Variants in ATG12 observed in about 807,000 individuals in gnomAD.
ATG12 encodes autophagy related 12, also known as ubiquitin-like protein ATG12.
ATG12 carries 19 observed loss-of-function variants against 17.6 expected under a neutral mutation model. That is an observed-to-expected ratio of 1.08 (90% CI 0.75 to 1.58). ATG12 has a LOEUF of 1.58. Ranked by LOEUF, ATG12 falls within the 40% of genes most tolerant of loss-of-function variation. ATG12 has a pLI of 0.00. For synonymous variants in ATG12, 75 were observed against 62.4 expected (o/e 1.20, Z -0.95); for missense variants, 214 against 162.0 (o/e 1.32, Z -1.74).
chr5:115,831,939 A>G, intron 3 of ATG12, 76 bp from the exon 4 acceptor site: 1 of 1,365,418 alleles, frequency 7.3e-7, no homozygotes, highest in Middle Eastern at 2.3e-4. Flanking sequence ...TAAATGCCAC[A>G]TGTATCATAA....
Position 115,831,502 on chromosome 5 carries a change from G to A in ATG12, c.*302C>T. 2.4e-6 allele frequency: 1 copy of A among 413,372 alleles called. No homozygotes were observed. Among genetic ancestry groups the A allele is most frequent in the Non-Finnish European group, 4.3e-6 (1 of 232,234 alleles). The allele number at this position is 413,372 out of a possible 1,614,324, so 25.6% of individuals were successfully genotyped here. The stretch of plus-strand genomic sequence containing the variant: ...CATTTTGAGAACTGACAATGAAGAT[G>A]TTTATACAGTCTTAGTCTCCTTTTC... On this transcript the variant is annotated 3_prime_UTR_variant, in exon 4 of 4. Coordinates refer to ENST00000509910, the MANE Select transcript of ATG12 (RefSeq NM_004707.4).
intron 2 of ATG12, chr5:115,834,873 A>C (rs1580567326): frequency 1.3e-5 from 2 of 152,202 alleles, no homozygotes; most frequent in South Asian, 4.1e-4. Context: ...TGATACTCTC[A>C]GGTACTTCAG....
rs1472589638 is a variant in ATG12, at chr5:115,841,416, T to A, written c.137A>T (p.Glu46Val). ...TTTTTTCTTGGTGTCGCCAGCAGGT[T>A]CCTCTGTTCCCGGGGAAACTGCAGC... The part of the protein sequence containing the change: ...SSAAVSPGTE[E>V]PAGDTKKKID... Residue 46 changes from glutamate to valine, a missense_variant, in exon 1 of 4, where the codon GAA becomes GTA. Physicochemically the swap from Glu to Val is moderately radical, Grantham distance 121 (BLOSUM62 -2). Coordinates refer to ENST00000509910, the MANE Select transcript of ATG12 (RefSeq NM_004707.4). 1 of 1,610,442 alleles carries A rather than the reference T, an allele frequency of 6.2e-7. No individual in the cohort carries two copies. The highest frequency in any genetic ancestry group is 8.5e-7 in the Non-Finnish European group (1 of 1,179,212).
intron 1 of ATG12, 87 bp downstream of exon 1, chr5:115,841,303 C>T: frequency 6.4e-7 from 1 of 1,570,520 alleles, no homozygotes; most frequent in Non-Finnish European, 8.6e-7. Flanking sequence ...AGGCGCTCCT[C>T]TAAATTTTGC....
chr5:115,838,557 A>T (rs2112729443), intron 1 of ATG12: 1 of 152,366 alleles, frequency 6.6e-6, no homozygotes, highest in Non-Finnish European at 1.5e-5. Context: ...ATTTCTCAGT[A>T]GTGACATTGT....
Position 115,837,733 on chromosome 5 carries a change from A to G in ATG12, c.195T>C (p.Thr65=). Reference sequence around the variant, plus strand: ...CCCACTTCTTTGTTTTCATAATAGGAGTGTCTCCCACAGCCTTTAGCAAAA... The same window carrying G: ...CCCACTTCTTTGTTTTCATAATAGGGGTGTCTCCCACAGCCTTTAGCAAAA... ...IDILLKAVGD[T]PIMKTKKWAV... Residue 65 remains threonine, a synonymous_variant, in exon 2 of 4, where the codon ACT becomes ACC. Transcript: ENST00000509910. 1 of 1,612,190 alleles carries G rather than the reference A, an allele frequency of 6.2e-7. No individual in the cohort carries two copies. The highest frequency in any genetic ancestry group is 8.5e-7 in the Non-Finnish European group (1 of 1,179,398).
chr5:115,832,975 G>A (rs748821817), intron 2 of ATG12: 22 of 207,998 alleles, frequency 1.1e-4, no homozygotes, highest in Non-Finnish European at 1.8e-4. Context: ...TTACATTATC[G>A]TAAAAATGTC....
chr5:115,835,231 GTA>G (rs1761044039), intron 2 of ATG12: 1 of 152,118 alleles, frequency 6.6e-6, no homozygotes, highest in Admixed American at 6.5e-5. Context: ...TCTTATAGGT[GTA>G]TATTTCTGGC....
chr5:115,841,123 G>A, intron 1 of ATG12: 2 of 310,176 alleles, frequency 6.4e-6, no homozygotes, highest in South Asian at 4.8e-5. Context: ...CAAAGAGCTC[G>A]CAGTCTGGCC....
rs968638276 is a variant in ATG12 at position 115,830,052 on chromosome 5, G to A, written c.*1752C>T. On this transcript the variant is annotated 3_prime_UTR_variant, in exon 4 of 4. Transcript: ENST00000509910. ...GAATCACTTGAACCCGGGAGGTAGA[G>A]GTTGCAATGAGCCAAGATTGTGCCA... The A allele has an allele frequency of 6.7e-6, 1 of 149,748 alleles. No homozygotes were observed. Among genetic ancestry groups the A allele is most frequent in the Non-Finnish European group, 1.5e-5 (1 of 67,846 alleles). 9.3% of individuals were successfully genotyped at this position (149,748 alleles called of 1,614,324 possible). A position where few individuals can be genotyped will look rare whatever the true frequency, so the allele number is the denominator to read the frequency against.
Position 115,828,897 on chromosome 5 carries a change from T to C in ATG12, c.*2907A>G, listed in dbSNP as rs1760748162. 1 of 152,186 alleles carries C rather than the reference T, an allele frequency of 6.6e-6. No homozygotes were observed. The highest frequency in any genetic ancestry group is 1.5e-5 in the Non-Finnish European group (1 of 68,030). 9.4% of individuals were successfully genotyped at this position (152,186 alleles called of 1,614,324 possible). A position where few individuals can be genotyped will look rare whatever the true frequency, so the allele number is the denominator to read the frequency against. On this transcript the variant is annotated 3_prime_UTR_variant, in exon 4 of 4. Transcript: ENST00000509910. ...GTGTTTTTATGAGAGAAAGGGTATC[T>C]TCTCCTTGAATGATTCAGATAGCCT...
At chr5:115,832,718 C>T in intron 2 of ATG12, 54 bp from the exon 3 acceptor site, 1 of 1,407,896 alleles carries the variant, frequency 7.1e-7, no homozygotes, top group Non-Finnish European at 9.4e-7. Flanking sequence ...GATTAATCTG[C>T]ATTTTTCTGC....
chr5:115,832,667 A>G lies in ATG12; in HGVS notation c.301-3T>C, dbSNP rs1483743248. On this transcript the variant is annotated splice_region_variant and splice_polypyrimidine_tract_variant and intron_variant, in intron 2 of 3. Transcript: ENST00000509910. ...AAGGACTGATTCACATAAATAAACTACAAGAAAGGAAGGAAAAACAGAGAT... is the reference window on the plus strand; with the variant it reads ...AAGGACTGATTCACATAAATAAACTGCAAGAAAGGAAGGAAAAACAGAGAT... 1 of 1,528,746 alleles carries G rather than the reference A, an allele frequency of 6.5e-7. No individual in the cohort carries two copies. The highest frequency in any genetic ancestry group is 1.4e-5 in the African/African-American group (1 of 69,180). 94.7% of individuals were successfully genotyped at this position (1,528,746 alleles called of 1,614,324 possible). A position where few individuals can be genotyped will look rare whatever the true frequency, so the allele number is the denominator to read the frequency against.
chr5:115,832,508 A>G (rs1219566523), intron 3 of ATG12, 94 bp downstream of exon 3: 1 of 1,318,680 alleles, frequency 7.6e-7, no homozygotes, highest in African/African-American at 1.6e-5. Flanking sequence ...TAACAATACT[A>G]CACAATATAC....
intron 2 of ATG12, among the ~76,000 whole-genome samples, chr5:115,834,662 A>G (rs574337202): frequency 1.3e-5 from 2 of 152,194 alleles, no homozygotes; most frequent in Non-Finnish European, 2.9e-5. Flanking sequence ...ATTTTCTGCT[A>G]ATAGTCTGTG....
intron 3 of ATG12, 98 bp downstream of exon 3, chr5:115,832,501 CAAT>C (rs1210189125): frequency 2.5e-6 from 3 of 1,212,506 alleles, no homozygotes; most frequent in South Asian, 2.5e-5. Context: ...TGTGAATTAA[CAAT>C]ACTACACAAT....
chr5:115,837,002 G>GT (rs1293297676), intron 2 of ATG12, among the ~76,000 whole-genome samples: 1 of 152,096 alleles, frequency 6.6e-6, no homozygotes. Context: ...TAGGAAAAAA[G>GT]TAACTGCTAT....
At chr5:115,840,306 T>A (rs1761320013) in intron 1 of ATG12, among the ~76,000 whole-genome samples, 1 of 151,776 alleles carries the variant, frequency 6.6e-6, no homozygotes, top group African/African-American at 2.4e-5. Context: ...CTTTTTTTTT[T>A]TTTTTTTTGA....
At position 115,832,754 on chromosome 5, in the gene ATG12, T is replaced by C. The variant is rs192702669; in HGVS notation, c.301-90A>G. Reference sequence around the variant, plus strand: ...ATTCCAATCAGCTAGCTATTTTGTATTGTTTTCACAATTGAAGAAAGCTTC... The same window carrying C: ...ATTCCAATCAGCTAGCTATTTTGTACTGTTTTCACAATTGAAGAAAGCTTC... On this transcript the variant is annotated intron_variant, in intron 2 of 3. Transcript: ENST00000509910. The C allele has an allele frequency of 1.1e-4, 134 of 1,257,908 alleles. 1 individual carries two copies. The East Asian group carries it at 3.3e-3, about 31-fold the overall frequency. 77.9% of individuals were successfully genotyped at this position (1,257,908 alleles called of 1,614,324 possible). A position where few individuals can be genotyped will look rare whatever the true frequency, so the allele number is the denominator to read the frequency against.
Sources: gnomAD v4.1 joint callset for allele counts (sites outside exome capture counted in the v4.1 genomes callset) on GRCh38, gnomAD v4.1.1 for gene constraint, MANE v1.5 for transcripts, NCBI Gene and HGNC (gene_info 2026-07-23, HGNC 2026-07-21) for gene names.